CLSTN2: variants seen among roughly 807,000 people sequenced by gnomAD.
CLSTN2 encodes calsyntenin 2.
In CLSTN2, 48 loss-of-function variants were observed where a neutral mutation model predicts 101.2. That is an observed-to-expected ratio of 0.47 (90% CI 0.38 to 0.60). The LOEUF is 0.60. Among genes scored for constraint, CLSTN2 ranks in the 20% least tolerant of loss-of-function variants. The pLI is 0.00. For missense variants in CLSTN2, 1,160 were observed against 1,238.2 expected, an observed-to-expected ratio of 0.94 and a Z score of 0.95; for synonymous variants, 481 against 463.6, an observed-to-expected ratio of 1.04 and a Z score of -0.48.
rs2088267402 is a variant in CLSTN2 at position 140,403,526 on chromosome 3, AT to A, written c.233-101del. On this transcript the variant is annotated intron_variant, in intron 2 of 16. Transcript: ENST00000458420. ...GGACCACACTATGTGCGTGGAAGAA[AT>A]TGCATGGAGGCTTTGAGTTTGTGAA... 4 of 972,850 alleles carry A rather than the reference AT, an allele frequency of 4.1e-6. No individual in the cohort carries two copies. The Admixed American group carries it at 6.6e-5, about 16-fold the overall frequency. 60.3% of individuals were successfully genotyped at this position (972,850 alleles called of 1,614,324 possible).
At chr3:140,242,613 A>G (rs2086479788) in intron 2 of CLSTN2, among the ~76,000 whole-genome samples, 1 of 152,060 alleles carries the variant, frequency 6.6e-6, no homozygotes, top group African/African-American at 2.4e-5. Context: ...GGTTTTATGG[A>G]CCTCAAGAGT....
intron 2 of CLSTN2, among the ~76,000 whole-genome samples, chr3:140,346,549 A>T (rs1486355128): frequency 6.6e-6 from 1 of 152,212 alleles, no homozygotes; most frequent in Non-Finnish European, 1.5e-5. Flanking sequence ...TGTTCAATGA[A>T]CTTGTGGGAT....
At chr3:140,527,834 G>A (rs180970) in intron 8 of CLSTN2, among the ~76,000 whole-genome samples, 37,838 of 151,926 alleles carry the variant, frequency 0.25, 6,271 homozygotes, top group African/African-American at 0.45. Flanking sequence ...ACCAAATACC[G>A]TATTTTTTCA....
rs377080367 is a variant in CLSTN2, at chr3:140,117,094, A to C, written c.110-58857A>C. On this transcript the variant is annotated intron_variant, in intron 1 of 16. Coordinates refer to ENST00000458420, the MANE Select transcript of CLSTN2 (RefSeq NM_022131.3). ...TGCACTGTGGCGTTTCCTGTGTGTG[A>C]AATGTCTTTCTCAGCCTGCTGCTTT... 2.1e-4 allele frequency among the ~76,000 whole-genome samples: 32 copies of C among 152,174 alleles called. No homozygotes were observed. The South Asian group carries it at 5.2e-3, about 25-fold the overall frequency.
At chr3:140,138,689 G>A (rs1294241566) in intron 1 of CLSTN2, among the ~76,000 whole-genome samples, 1 of 152,150 alleles carries the variant, frequency 6.6e-6, no homozygotes, top group African/African-American at 2.4e-5. Flanking sequence ...TCATGCCTGA[G>A]TTACCCCCTA....
chr3:140,202,959 G>A (rs78576615), intron 2 of CLSTN2, among the ~76,000 whole-genome samples: 57 of 152,184 alleles, frequency 3.7e-4, no homozygotes, highest in African/African-American at 1.3e-3. Flanking sequence ...GCCCCCTCCT[G>A]GTCTAGCCAG....
rs574993163 is a variant in CLSTN2, at chr3:140,413,616, A to G, written c.638-7509A>G. On this transcript the variant is annotated intron_variant, in intron 4 of 16. Transcript: ENST00000458420. ...TTCAAGAAAAGAAAATTACAGGCCA[A>G]TATTTCTGATGAGCATAGATGCAAA... Among the ~76,000 whole-genome samples the G allele has an allele frequency of 7.9e-5, 12 of 152,312 alleles. 1 individual carries two copies. In the South Asian group the frequency reaches 2.5e-3, roughly 32 times the overall value.
In CLSTN2 at chr3:140,459,713, C is replaced by G. The variant is rs780946548; in HGVS notation, c.1166C>G (p.Pro389Arg). Residue 389 changes from proline to arginine, a missense_variant, in exon 7 of 17, where the codon CCC becomes CGC. Coordinates refer to ENST00000458420, the MANE Select transcript of CLSTN2 (RefSeq NM_022131.3). Reference sequence around the variant, plus strand: ...ATCACCATGTGGATGAAACACGGCCCCAGCCCTGGTGTGAGAGCCGAGAAG... The same window carrying G: ...ATCACCATGTGGATGAAACACGGCCGCAGCCCTGGTGTGAGAGCCGAGAAG... ...FTITMWMKHG[P>R]SPGVRAEKET... is the part of the protein sequence containing the mutation. 1.9e-6 allele frequency: 3 copies of G among 1,614,136 alleles called. No homozygotes were observed. In the East Asian group the frequency reaches 6.7e-5, roughly 36 times the overall value.
chr3:140,410,771 T>A (rs919791930), intron 4 of CLSTN2, among the ~76,000 whole-genome samples: 1 of 152,162 alleles, frequency 6.6e-6, no homozygotes, highest in African/African-American at 2.4e-5. Flanking sequence ...ATGTACAATA[T>A]AAAAACATAA....
intron 8 of CLSTN2, among the ~76,000 whole-genome samples, chr3:140,510,876 G>T (rs1934800236): frequency 6.6e-6 from 1 of 152,174 alleles, no homozygotes; most frequent in African/African-American, 2.4e-5. Flanking sequence ...TAAACTCAGG[G>T]GTACATGTGT....
chr3:140,135,117 C>T (rs9873057), intron 1 of CLSTN2, among the ~76,000 whole-genome samples: 690 of 57,656 alleles, frequency 0.012, 9 homozygotes, highest in African/African-American at 0.042. Context: ...CACACACACA[C>T]ATATATATAT....
Position 140,448,562 on chromosome 3 carries a change from G to A in CLSTN2, c.831G>A (p.Met277Ile), listed in dbSNP as rs749394548. ...AGTACCAGCCTGGCTCCGGGAGCATGCCCCTGTTCCCCAGCATCCACCTGG... is the reference window on the plus strand; with the variant it reads ...AGTACCAGCCTGGCTCCGGGAGCATACCCCTGTTCCCCAGCATCCACCTGG... ...RIEYQPGSGS[M>I]PLFPSIHLET... The change falls in exon 6 of 17, where the codon ATG becomes ATA. Residue 277 changes from methionine to isoleucine, a missense_variant. Coordinates refer to ENST00000458420, the MANE Select transcript of CLSTN2 (RefSeq NM_022131.3). The A allele has an allele frequency of 2.5e-6, 4 of 1,614,082 alleles. No individual in the cohort carries two copies. In the East Asian group the frequency reaches 6.7e-5, roughly 27 times the overall value.
chr3:140,090,481 T>G (rs2008759510), intron 1 of CLSTN2, among the ~76,000 whole-genome samples: 1 of 152,028 alleles, frequency 6.6e-6, no homozygotes, highest in Non-Finnish European at 1.5e-5. Flanking sequence ...ACATTGAAGA[T>G]CAGTGAGAAA....
At chr3:140,400,457 T>C (rs561176932) in intron 2 of CLSTN2, among the ~76,000 whole-genome samples, 5 of 152,100 alleles carry the variant, frequency 3.3e-5, no homozygotes, top group African/African-American at 1.2e-4. Context: ...TCCCAGCACT[T>C]TGGGAGGCCG....
chr3:139,940,922 G>A (rs918070187), intron 1 of CLSTN2, among the ~76,000 whole-genome samples: 1 of 152,082 alleles, frequency 6.6e-6, no homozygotes, highest in Non-Finnish European at 1.5e-5. Flanking sequence ...TCTGGTCTCT[G>A]GAGGGAGAGC....
chr3:140,406,260 G>A (rs1045131151), intron 4 of CLSTN2, among the ~76,000 whole-genome samples: 49 of 152,136 alleles, frequency 3.2e-4, no homozygotes, highest in African/African-American at 1.1e-3. Context: ...CTGAGACTGC[G>A]GCAGATGCCA....
chr3:140,257,561 GGTGTGTGTGT>G (rs397877641), intron 2 of CLSTN2, among the ~76,000 whole-genome samples: 11 of 93,008 alleles, frequency 1.2e-4, no homozygotes, highest in South Asian at 6.5e-4. Context: ...TCTTTCTAGG[GGTGTGTGTGT>G]GTGTGTGTGT....
chr3:140,532,388 T>C lies in CLSTN2; in HGVS notation c.1409T>C (p.Met470Thr), dbSNP rs1559896268. 2 of 1,613,778 alleles carry C rather than the reference T, an allele frequency of 1.2e-6. No homozygotes were observed. Among genetic ancestry groups the C allele is most frequent in the Non-Finnish European group, 1.7e-6 (2 of 1,179,676 alleles). The change falls in exon 9 of 17, where the codon ATG becomes ACG. Residue 470 changes from methionine (M) to threonine (T), a missense_variant. Met to Thr is a moderately conservative substitution (Grantham distance 81, BLOSUM62 -1). Transcript: ENST00000458420. ...NVEFPVVTLY[M>T]DGATYEPYLV... is the part of the protein sequence containing the mutation. ...GAGTTTCCTGTGGTAACCTTATACA[T>C]GGATGGAGCAACATATGAACCATAC...
intron 1 of CLSTN2, among the ~76,000 whole-genome samples, chr3:140,093,283 T>C (rs1479310285): frequency 4.6e-5 from 7 of 152,142 alleles, no homozygotes; most frequent in Non-Finnish European, 8.8e-5. Context: ...TAAATGACAA[T>C]TGAAGTAATA....
Sources: gnomAD v4.1 joint callset for allele counts (sites outside exome capture counted in the v4.1 genomes callset) on GRCh38, gnomAD v4.1.1 for gene constraint, MANE v1.5 for transcripts, NCBI Gene and HGNC (gene_info 2026-07-23, HGNC 2026-07-21) for gene names.